The following TOGARAM1 variants were observed in gnomAD, a reference collection of about 807,000 sequenced individuals.
The protein encoded by TOGARAM1 is TOG array regulator of axonemal microtubules 1.
In TOGARAM1, 100 loss-of-function variants were observed where a neutral mutation model predicts 166.6. The observed-to-expected ratio is 0.60, with a 90% CI of 0.51 to 0.71. TOGARAM1 has a LOEUF of 0.71. TOGARAM1 is among the 30% of genes least tolerant of loss of function. The pLI, the probability that TOGARAM1 is intolerant of heterozygous loss-of-function variation, is 0.00. For missense variants in TOGARAM1, 2,029 were observed against 2,102.7 expected, an observed-to-expected ratio of 0.96 and a Z score of 0.69; for synonymous variants, 758 against 763.8, an observed-to-expected ratio of 0.99 and a Z score of 0.13.
rs889300535 is a variant in TOGARAM1 at position 45,031,486 on chromosome 14, G to A, written c.3659-737G>A. ...TGTAATAGGCCACTAATTCTATATC[G>A]ATAGAGAAAATCAACTAGAATTCTA... On this transcript the variant is annotated intron_variant, in intron 10 of 19. Coordinates refer to ENST00000361462, the MANE Select transcript of TOGARAM1 (RefSeq NM_001308120.2). 4.6e-4 allele frequency among the ~76,000 whole-genome samples: 70 copies of A among 152,158 alleles called. 1 individual carries two copies. Among genetic ancestry groups the A allele is most frequent in the South Asian group, 8.3e-4 (4 of 4,830 alleles).
Position 45,028,163 on chromosome 14 carries a change from C to T in TOGARAM1, c.3505-13C>T. The T allele has an allele frequency of 6.4e-7, 1 of 1,556,394 alleles. No individual in the cohort carries two copies. Among genetic ancestry groups the T allele is most frequent in the Non-Finnish European group, 8.6e-7 (1 of 1,159,218 alleles). On this transcript the variant is annotated splice_polypyrimidine_tract_variant and intron_variant, in intron 9 of 19. Coordinates refer to ENST00000361462, the MANE Select transcript of TOGARAM1 (RefSeq NM_001308120.2). ...TCCCTGAATATTTTCAGACTTTCAACTTTTTCATGCAGGCTAAAGTTTCTA... is the reference window on the plus strand; with the variant it reads ...TCCCTGAATATTTTCAGACTTTCAATTTTTTCATGCAGGCTAAAGTTTCTA...
At chr14:45,034,957 G>A (rs1446270530) in intron 11 of TOGARAM1, among the ~76,000 whole-genome samples, 1 of 152,126 alleles carries the variant, frequency 6.6e-6, no homozygotes, top group African/African-American at 2.4e-5. Flanking sequence ...TGTAACTACT[G>A]CATGCATTAA....
At chr14:45,020,234 C>T (rs1314497800) in intron 7 of TOGARAM1, among the ~76,000 whole-genome samples, 2 of 152,270 alleles carry the variant, frequency 1.3e-5, no homozygotes, top group East Asian at 1.9e-4. Context: ...TATTCCATCT[C>T]GAATTTCTTT....
chr14:44,966,868 T>G (rs1022489009), intron 1 of TOGARAM1, among the ~76,000 whole-genome samples: 1 of 152,104 alleles, frequency 6.6e-6, no homozygotes, highest in African/African-American at 2.4e-5. Flanking sequence ...AGTGGGAGGA[T>G]TGCTTGAGCC....
At chr14:45,038,004 C>T (rs765655775) in intron 11 of TOGARAM1, among the ~76,000 whole-genome samples, 6 of 151,254 alleles carry the variant, frequency 4.0e-5, no homozygotes, top group East Asian at 1.9e-4. Context: ...GGTGACAGAG[C>T]GAGACTCCAT....
intron 1 of TOGARAM1, among the ~76,000 whole-genome samples, chr14:44,981,019 A>G (rs1257362533): frequency 6.6e-6 from 1 of 152,206 alleles, no homozygotes; most frequent in Non-Finnish European, 1.5e-5. Flanking sequence ...CAAAGGATTT[A>G]GTGACTAAGT....
rs199760865 is a variant in TOGARAM1, at chr14:45,027,301, G to A, written c.3331G>A (p.Val1111Ile). 48 of 1,612,186 alleles carry A rather than the reference G, an allele frequency of 3.0e-5. No homozygotes were observed. The highest frequency in any genetic ancestry group is 2.5e-4 in the East Asian group (11 of 44,706). ...ATTTGGTGGTTGGTTGATTTCAGGCGTATTTGGAAGTTTAAGTTCAGCACC... is the reference window on the plus strand; with the variant it reads ...ATTTGGTGGTTGGTTGATTTCAGGCATATTTGGAAGTTTAAGTTCAGCACC... Reference protein sequence around the residue: ...EDSVVVVGKGVFGSLSSAPAT... With the variant: ...EDSVVVVGKGIFGSLSSAPAT... The change falls in exon 9 of 20, where the codon GTA becomes ATA. Residue 1111 changes from valine to isoleucine, a missense_variant and splice_region_variant. Val to Ile is a conservative substitution (Grantham distance 29). Transcript: ENST00000361462.
intron 7 of TOGARAM1, 127 bp downstream of exon 7, chr14:45,012,202 C>A: frequency 1.8e-6 from 1 of 568,064 alleles, no homozygotes; most frequent in Non-Finnish European, 3.0e-6. Context: ...CATTTTTTTA[C>A]TCCTTAAAAG....
At chr14:44,992,279 T>A (rs570082898) in intron 1 of TOGARAM1, among the ~76,000 whole-genome samples, 12 of 152,264 alleles carry the variant, frequency 7.9e-5, no homozygotes, top group East Asian at 7.7e-4. Flanking sequence ...AATACAGTGA[T>A]GTTTACAGAA....
intron 1 of TOGARAM1, among the ~76,000 whole-genome samples, chr14:44,978,952 T>G (rs1436308058): frequency 6.7e-6 from 1 of 150,276 alleles, no homozygotes; most frequent in African/African-American, 2.4e-5. Context: ...TAGTCAACAT[T>G]GCAAGATCCC....
At chr14:44,997,439 T>A in intron 2 of TOGARAM1, 1 of 144,464 alleles carries the variant, frequency 6.9e-6, no homozygotes, top group African/African-American at 2.6e-5. Flanking sequence ...AAAAGGTGAT[T>A]GGATTCTGAT....
intron 1 of TOGARAM1, among the ~76,000 whole-genome samples, chr14:44,973,335 T>A (rs958795684): frequency 3.3e-5 from 5 of 151,946 alleles, no homozygotes; most frequent in African/African-American, 1.2e-4. Flanking sequence ...AGTAACAATA[T>A]ACTGCTTCAC....
chr14:44,967,344 A>G (rs1227016031), intron 1 of TOGARAM1, among the ~76,000 whole-genome samples: 1 of 152,136 alleles, frequency 6.6e-6, no homozygotes. Context: ...CATATGCTGT[A>G]TCCTACAGTA....
intron 11 of TOGARAM1, among the ~76,000 whole-genome samples, chr14:45,040,792 A>G (rs1245312391): frequency 6.6e-6 from 1 of 152,126 alleles, no homozygotes; most frequent in East Asian, 1.9e-4. Flanking sequence ...TAATTCCAGC[A>G]CTTTGGGAGG....
chr14:44,999,898 T>C (rs73352210), intron 3 of TOGARAM1, among the ~76,000 whole-genome samples: 3,172 of 152,314 alleles, frequency 0.021, 126 homozygotes, highest in African/African-American at 0.072. Flanking sequence ...ACTCCTGTGG[T>C]TATTTTGAAG....
At chr14:45,035,613 G>C (rs1881385950) in intron 11 of TOGARAM1, among the ~76,000 whole-genome samples, 1 of 151,950 alleles carries the variant, frequency 6.6e-6, no homozygotes, top group Non-Finnish European at 1.5e-5. Context: ...TATTTCAAAG[G>C]AGATATAATC....
intron 1 of TOGARAM1, among the ~76,000 whole-genome samples, chr14:44,969,334 G>A (rs897521921): frequency 2.0e-4 from 30 of 151,838 alleles, no homozygotes; most frequent in Non-Finnish European, 3.8e-4. Flanking sequence ...TGTATTTTTA[G>A]TAGAGACGGG....
chr14:45,052,372 A>T, intron 14 of TOGARAM1, 64 bp from the exon 15 acceptor site: 2 of 1,432,214 alleles, frequency 1.4e-6, no homozygotes. Flanking sequence ...CAATGCATCT[A>T]AGGTCAGCAA....
chr14:44,977,293 A>T (rs936292382), intron 1 of TOGARAM1, among the ~76,000 whole-genome samples: 1 of 134,664 alleles, frequency 7.4e-6, no homozygotes, highest in Admixed American at 8.3e-5. Context: ...GGAGTGTAGT[A>T]GTGTGATCTC....
Sources: allele counts gnomAD v4.1 joint callset (sites outside exome capture counted in the v4.1 genomes callset), GRCh38; gene constraint gnomAD v4.1.1; transcripts MANE v1.5; gene names NCBI Gene and HGNC (gene_info 2026-07-23, HGNC 2026-07-21).